ZC2HC1B: variants seen among roughly 807,000 people sequenced by gnomAD.
The protein encoded by ZC2HC1B is zinc finger C2HC domain-containing protein 1B.
Under a neutral mutation model 31.0 loss-of-function variants are expected in ZC2HC1B, and 36 were observed. The ratio of observed to expected loss-of-function variants is 1.16; its 90% CI spans 0.89 to 1.54. The LOEUF (loss-of-function observed/expected upper bound fraction) is 1.54, where lower values mean the gene tolerates loss of function less well. ZC2HC1B is among the 40% of genes most tolerant of loss of function. ZC2HC1B has a pLI of 0.00. For missense variants in ZC2HC1B, 260 were observed against 268.6 expected (o/e 0.97, Z 0.22); for synonymous variants, 73 against 88.0 (o/e 0.83, Z 0.95).
At chr6:143,919,964 AAAACTTAAC>A (rs2128496820) in intron 6 of ZC2HC1B, among the ~76,000 whole-genome samples, 1 of 152,352 alleles carries the variant, frequency 6.6e-6, no homozygotes, top group Admixed American at 6.5e-5. Context: ...TCATTTGGGA[AAAACTTAAC>A]AGTGAGGTAG....
In ZC2HC1B at chr6:143,870,847, G is replaced by A. The variant is rs542845569; in HGVS notation, c.28+6280G>A. Among the ~76,000 whole-genome samples, 10 of 152,282 alleles carry A rather than the reference G, an allele frequency of 6.6e-5. No homozygotes were observed. The highest frequency in any genetic ancestry group is 2.2e-4 in the African/African-American group (9 of 41,540). On this transcript the variant is annotated intron_variant, in intron 1 of 7. Transcript: ENST00000237275. The surrounding 1 kb of genome is among the most constrained non-coding windows in gnomAD (Gnocchi z 4.7). Reference sequence around the variant, plus strand: ...CACCTCAAGTACCATTGGATCTGCTGGGTCATATGGCCCAATTGACAGAGC... The same window carrying A: ...CACCTCAAGTACCATTGGATCTGCTAGGTCATATGGCCCAATTGACAGAGC...
intron 6 of ZC2HC1B, among the ~76,000 whole-genome samples, chr6:143,931,455 T>A (rs1778117854): frequency 6.6e-6 from 1 of 152,238 alleles, no homozygotes; most frequent in Admixed American, 6.5e-5. Flanking sequence ...AAAGAGGTTC[T>A]ATTTTGGTGT....
In ZC2HC1B at chr6:143,910,953, A is replaced by G. The variant is rs183908641; in HGVS notation, c.598+7801A>G. On this transcript the variant is annotated intron_variant, in intron 6 of 7. Transcript: ENST00000237275. ...CTTTTTGTGGAGATGGGGTTTAACCATGTTGGCCAGGGTAGTCTCAAACTC... is the reference window on the plus strand; with the variant it reads ...CTTTTTGTGGAGATGGGGTTTAACCGTGTTGGCCAGGGTAGTCTCAAACTC... 4.4e-4 allele frequency among the ~76,000 whole-genome samples: 67 copies of G among 152,158 alleles called. 1 individual carries two copies. The East Asian group carries it at 0.012, about 28-fold the overall frequency.
intron 6 of ZC2HC1B, among the ~76,000 whole-genome samples, chr6:143,932,621 T>A (rs771270503): frequency 1.1e-4 from 16 of 152,240 alleles, no homozygotes; most frequent in Admixed American, 2.0e-4. Flanking sequence ...TCTCCTTGAG[T>A]AGCTTAATAA....
At position 143,868,759 on chromosome 6, in the gene ZC2HC1B, G is replaced by A. The variant is rs754817841; in HGVS notation, c.28+4192G>A. On this transcript the variant is annotated intron_variant, in intron 1 of 7. Transcript: ENST00000237275. This position sits in a 1 kb window ranked among gnomAD's most constrained non-coding sequence, Gnocchi z 4.2. ...AAGACAATAATAAGGTCATAATTAT[G>A]CCTAACGTAATACAACTATCCTTAA... Among the ~76,000 whole-genome samples the A allele has an allele frequency of 3.3e-5, 5 of 152,124 alleles. No individual in the cohort carries two copies. The highest frequency in any genetic ancestry group is 6.5e-5 in the Admixed American group (1 of 15,268).
rs143873541 is a variant in ZC2HC1B at position 143,899,424 on chromosome 6, G to T, written c.489+733G>T. Among the ~76,000 whole-genome samples, 130 of 152,360 alleles carry T rather than the reference G, an allele frequency of 8.5e-4. 1 individual carries two copies. Among genetic ancestry groups the T allele is most frequent in the African/African-American group, 2.9e-3 (122 of 41,588 alleles). ...AGGGGCTCACTCTGTTGCCCAGGCT[G>T]GAGTGCAATGGTGTAATCATGGCTC... On this transcript the variant is annotated intron_variant, in intron 5 of 7. Transcript: ENST00000237275. The surrounding 1 kb of genome is among the most constrained non-coding windows in gnomAD (Gnocchi z 5.0).
chr6:143,929,246 T>G (rs1184765220), intron 6 of ZC2HC1B, among the ~76,000 whole-genome samples: 1 of 152,186 alleles, frequency 6.6e-6, no homozygotes, highest in Non-Finnish European at 1.5e-5. Flanking sequence ...TTTTATTGTT[T>G]TGAGGTATGT....
At chr6:143,929,410 C>T (rs1023209832) in intron 6 of ZC2HC1B, among the ~76,000 whole-genome samples, 12 of 152,164 alleles carry the variant, frequency 7.9e-5, no homozygotes, top group Non-Finnish European at 1.6e-4. Context: ...TTGTACCAAC[C>T]TTGCATCCCT....
chr6:143,906,999 C>G (rs1358798040), intron 6 of ZC2HC1B, among the ~76,000 whole-genome samples: 1 of 152,128 alleles, frequency 6.6e-6, no homozygotes. Flanking sequence ...TTCTCATCAT[C>G]CAGCTCCCAC....
chr6:143,903,004 A>T lies in ZC2HC1B; in HGVS notation c.490-40A>T, dbSNP rs909892519. 12 of 1,542,110 alleles carry T rather than the reference A, an allele frequency of 7.8e-6. No homozygotes were observed. The Admixed American group carries it at 2.4e-4, about 30-fold the overall frequency. Reference sequence around the variant, plus strand: ...CTATGTGGCACCTGAGGTTACATACAGAAGGTGTTCTCTTTGTCTCTTTCT... The same window carrying T: ...CTATGTGGCACCTGAGGTTACATACTGAAGGTGTTCTCTTTGTCTCTTTCT... On this transcript the variant is annotated intron_variant, in intron 5 of 7. Transcript: ENST00000237275. This position sits in a 1 kb window ranked among gnomAD's most constrained non-coding sequence, Gnocchi z 4.3.
At chr6:143,925,827 G>C (rs1778033673) in intron 6 of ZC2HC1B, among the ~76,000 whole-genome samples, 1 of 152,108 alleles carries the variant, frequency 6.6e-6, no homozygotes, top group Non-Finnish European at 1.5e-5. Context: ...GAGCCACGGT[G>C]CCCAGCCCTG....
rs530585367 is a variant in ZC2HC1B at position 143,887,931 on chromosome 6, T to C, written c.349+1110T>C. ...AGTTTTTCATTTTGATGATGTCCAGTGTATCTGTTTTTTCTTTTGTTGCCT... is the reference window on the plus strand; with the variant it reads ...AGTTTTTCATTTTGATGATGTCCAGCGTATCTGTTTTTTCTTTTGTTGCCT... On this transcript the variant is annotated intron_variant, in intron 4 of 7. Coordinates refer to ENST00000237275, the MANE Select transcript of ZC2HC1B (RefSeq NM_001013623.3). The surrounding 1 kb of genome is among the most constrained non-coding windows in gnomAD (Gnocchi z 5.1). Among the ~76,000 whole-genome samples, 204 of 152,204 alleles carry C rather than the reference T, an allele frequency of 1.3e-3. 1 individual carries two copies. The highest frequency in any genetic ancestry group is 3.4e-3 in the Middle Eastern group (1 of 294).
At chr6:143,898,791 TG>T in intron 5 of ZC2HC1B, 100 bp downstream of exon 5, 1 of 1,417,738 alleles carries the variant, frequency 7.1e-7, no homozygotes, top group Non-Finnish European at 9.5e-7. Flanking sequence ...TCCTAAGAAG[TG>T]TAAGCGTGAA....
rs935263365 is a variant in ZC2HC1B, at chr6:143,913,960, C to T, written c.598+10808C>T. On this transcript the variant is annotated intron_variant, in intron 6 of 7. Coordinates refer to ENST00000237275, the MANE Select transcript of ZC2HC1B (RefSeq NM_001013623.3). This position sits in a 1 kb window ranked among gnomAD's most constrained non-coding sequence, Gnocchi z 5.7. ...TGTTCCTTTCTGTGAGTGCTGTGGACCACAGCTGCTTCTAATCGGCCATCT... is the reference window on the plus strand; with the variant it reads ...TGTTCCTTTCTGTGAGTGCTGTGGATCACAGCTGCTTCTAATCGGCCATCT... Among the ~76,000 whole-genome samples, 7 of 152,208 alleles carry T rather than the reference C, an allele frequency of 4.6e-5. No individual in the cohort carries two copies. In the East Asian group the frequency reaches 1.3e-3, roughly 29 times the overall value.
At chr6:143,882,257 A>C (rs1188302614) in intron 1 of ZC2HC1B, among the ~76,000 whole-genome samples, 1 of 149,478 alleles carries the variant, frequency 6.7e-6, no homozygotes, top group Non-Finnish European at 1.5e-5. Flanking sequence ...AAAGAGCAGC[A>C]GTAGTTTTAT....
Position 143,899,855 on chromosome 6 carries a change from T to G in ZC2HC1B, c.489+1164T>G, listed in dbSNP as rs1777714626. On this transcript the variant is annotated intron_variant, in intron 5 of 7. Coordinates refer to ENST00000237275, the MANE Select transcript of ZC2HC1B (RefSeq NM_001013623.3). This position sits in a 1 kb window ranked among gnomAD's most constrained non-coding sequence, Gnocchi z 5.0. ...GCTAGGTACTGGTTTGATCAAGAATTTGTCATTGAAAGATGGAGGGGGACT... is the reference window on the plus strand; with the variant it reads ...GCTAGGTACTGGTTTGATCAAGAATGTGTCATTGAAAGATGGAGGGGGACT... Among the ~76,000 whole-genome samples the G allele has an allele frequency of 6.6e-6, 1 of 152,146 alleles. No individual in the cohort carries two copies. Among genetic ancestry groups the G allele is most frequent in the South Asian group, 2.1e-4 (1 of 4,824 alleles).
At chr6:143,896,357 T>G (rs888422777) in intron 4 of ZC2HC1B, among the ~76,000 whole-genome samples, 5 of 152,206 alleles carry the variant, frequency 3.3e-5, no homozygotes, top group Admixed American at 3.3e-4. Flanking sequence ...CTTTGCCTAA[T>G]GTGAGTAGGG....
At chr6:143,900,409 A>G (rs917238313) in intron 5 of ZC2HC1B, among the ~76,000 whole-genome samples, 2 of 151,898 alleles carry the variant, frequency 1.3e-5, no homozygotes, top group Non-Finnish European at 2.9e-5. Context: ...AAAAAAAGAA[A>G]AAGAAAAGAA....
At chr6:143,930,678 G>A (rs1458871743) in intron 6 of ZC2HC1B, among the ~76,000 whole-genome samples, 2 of 152,094 alleles carry the variant, frequency 1.3e-5, no homozygotes, top group African/African-American at 4.8e-5. Context: ...CGCCCAGCCA[G>A]TTTTGAGAGT....
Sources: allele counts gnomAD v4.1 joint callset (sites outside exome capture counted in the v4.1 genomes callset), GRCh38; gene constraint gnomAD v4.1.1; non-coding constraint Gnocchi (gnomAD v3.1); transcripts MANE v1.5; gene names NCBI Gene and HGNC (gene_info 2026-07-23, HGNC 2026-07-21).